Variants in RND1 observed in about 807,000 individuals in gnomAD.
The protein encoded by RND1 is Rho family GTPase 1.
In RND1, 9 loss-of-function variants were observed where a neutral mutation model predicts 27.1. The ratio of observed to expected loss-of-function variants is 0.33; its 90% CI spans 0.20 to 0.58. RND1 has a LOEUF of 0.58. Among genes scored for constraint, RND1 ranks in the 20% least tolerant of loss-of-function variants. The pLI, the probability that RND1 is intolerant of heterozygous loss-of-function variation, is 0.86. For synonymous variants in RND1, 108 were observed against 115.7 expected, an observed-to-expected ratio of 0.93 and a Z score of 0.43; for missense variants, 253 against 292.2, an observed-to-expected ratio of 0.87 and a Z score of 0.98.
At chr12:48,859,513 C>G (rs538911671) in intron 4 of RND1, among the ~76,000 whole-genome samples, 1 of 152,234 alleles carries the variant, frequency 6.6e-6, no homozygotes, top group South Asian at 2.1e-4. Context: ...GCACTCCAGC[C>G]TGGGTGACAA....
At chr12:48,864,383 A>AGG (rs1311110134) in intron 2 of RND1, among the ~76,000 whole-genome samples, 6 of 99,578 alleles carry the variant, frequency 6.0e-5, no homozygotes, top group East Asian at 2.8e-4. Flanking sequence ...GGGAAGTAAA[A>AGG]GGTGTGTGTG....
intron 4 of RND1, 148 bp from the exon 5 acceptor site, chr12:48,858,389 C>CT (rs566310279): frequency 0.071 from 37,999 of 537,582 alleles, 40 homozygotes; most frequent in Middle Eastern, 0.081. Flanking sequence ...ATTATCTTTT[C>CT]TTTTTTTTTT....
At chr12:48,861,214 C>G (rs533667248) in intron 3 of RND1, 83 bp from the exon 4 acceptor site, 1 of 1,410,692 alleles carries the variant, frequency 7.1e-7, no homozygotes, top group Admixed American at 2.0e-5. Context: ...AGAAGCTTGG[C>G]TGGCAACGTC....
intron 2 of RND1, among the ~76,000 whole-genome samples, chr12:48,864,414 TGTGCGCGCGCGCGC>T (rs1160018917): frequency 2.7e-5 from 3 of 109,230 alleles, no homozygotes; most frequent in African/African-American, 6.9e-5. Context: ...TGTGTGTGTG[TGTGCGCGCGCGCGC>T]GTGTGTGTGC....
At position 48,864,844 on chromosome 12, in the gene RND1, A is replaced by G. The variant is rs773495196; in HGVS notation, c.147T>C (p.Asn49=). 1 of 1,613,790 alleles carries G rather than the reference A, an allele frequency of 6.2e-7. No homozygotes were observed. The highest frequency in any genetic ancestry group is 1.7e-5 in the Admixed American group (1 of 59,968). ...PETYVPTVFE[N]YTACLETEEQ... is the part of the protein sequence containing the mutation. The stretch of plus-strand genomic sequence containing the variant: ...CCTCTGTCTCCAAACAGGCTGTGTA[A>G]TTTTCGAACACGGTGGGCACATAGG... The change falls in exon 2 of 5, where the codon AAT becomes AAC. Residue 49 remains asparagine (N), a synonymous_variant. Coordinates refer to ENST00000309739, the MANE Select transcript of RND1 (RefSeq NM_014470.4).
intron 2 of RND1, among the ~76,000 whole-genome samples, chr12:48,862,384 C>T (rs1039220945): frequency 2.0e-5 from 3 of 152,130 alleles, no homozygotes; most frequent in Admixed American, 2.0e-4. Context: ...TCTCCTACAG[C>T]AGGCTTAATT....
At chr12:48,865,094 T>A (rs1457536188) in intron 1 of RND1, among the ~76,000 whole-genome samples, 1 of 148,994 alleles carries the variant, frequency 6.7e-6, no homozygotes, top group Non-Finnish European at 1.5e-5. Context: ...ACACCAGGGG[T>A]AAGCCCCCCA....
rs1938929237 is a variant in RND1, at chr12:48,862,331, A to C, written c.209-213T>G. The C allele has an allele frequency of 6.1e-6, 3 of 487,880 alleles. No homozygotes were observed. In the South Asian group the frequency reaches 8.6e-5, roughly 14 times the overall value. 30.2% of individuals were successfully genotyped at this position (487,880 alleles called of 1,614,324 possible). A position where few individuals can be genotyped will look rare whatever the true frequency, so the allele number is the denominator to read the frequency against. On this transcript the variant is annotated intron_variant, in intron 2 of 4. Coordinates refer to ENST00000309739, the MANE Select transcript of RND1 (RefSeq NM_014470.4). ...CCCTTAGTCCAGAAAAAGGGAAAGAAGACAAAATAAAGTGGGTGGAGTATA... is the reference window on the plus strand; with the variant it reads ...CCCTTAGTCCAGAAAAAGGGAAAGACGACAAAATAAAGTGGGTGGAGTATA...
chr12:48,865,804 A>G lies in RND1; in HGVS notation c.-37T>C. 1 of 1,552,650 alleles carries G rather than the reference A, an allele frequency of 6.4e-7. No individual in the cohort carries two copies. The highest frequency in any genetic ancestry group is 8.7e-7 in the Non-Finnish European group (1 of 1,142,884). On this transcript the variant is annotated 5_prime_UTR_variant, in exon 1 of 5. Transcript: ENST00000309739. Reference sequence around the variant, plus strand: ...CCGCGGGACTTGAACTTCGATTCAGAAGGGAGGGTTGCGCCAGGTGCGTCT... The same window carrying G: ...CCGCGGGACTTGAACTTCGATTCAGGAGGGAGGGTTGCGCCAGGTGCGTCT...
chr12:48,859,155 T>C (rs1049737306), intron 4 of RND1: 2 of 151,314 alleles, frequency 1.3e-5, no homozygotes, highest in Admixed American at 6.6e-5. Context: ...AGATGGTGTT[T>C]CACCATGTTA....
intron 2 of RND1, among the ~76,000 whole-genome samples, chr12:48,863,328 TG>T (rs990083528): frequency 2.2e-4 from 33 of 150,590 alleles, no homozygotes; most frequent in African/African-American, 7.8e-4. Context: ...AAATTGGGGG[TG>T]GGGGTGTGAC....
At chr12:48,860,967 C>T (rs1938911775) in intron 4 of RND1, 30 bp downstream of exon 4, 1 of 1,612,042 alleles carries the variant, frequency 6.2e-7, no homozygotes, top group South Asian at 1.1e-5. Flanking sequence ...CTCACTCCAC[C>T]CCACGACATG....
At chr12:48,863,577 A>G (rs1194140042) in intron 2 of RND1, among the ~76,000 whole-genome samples, 2 of 152,176 alleles carry the variant, frequency 1.3e-5, no homozygotes, top group African/African-American at 4.8e-5. Flanking sequence ...TCTTGCCAGC[A>G]TAGCACAGCC....
chr12:48,859,693 C>T (rs1233192744), intron 4 of RND1, among the ~76,000 whole-genome samples: 1 of 152,116 alleles, frequency 6.6e-6, no homozygotes, highest in African/African-American at 2.4e-5. Flanking sequence ...TCAAGAACAA[C>T]CCCGGAAACA....
In RND1 at chr12:48,861,033, C is replaced by T; in HGVS notation, c.417G>A (p.Leu139=). 1 of 1,613,994 alleles carries T rather than the reference C, an allele frequency of 6.2e-7. No individual in the cohort carries two copies. Among genetic ancestry groups the T allele is most frequent in the South Asian group, 1.1e-5 (1 of 91,074 alleles). ...AGATGGGCGCCTGCTTCTGGTGGGA[C>T]AGCTCCATCAGAGTACTCAGGTCTG... ...LRTDLSTLME[L]SHQKQAPISY... The change falls in exon 4 of 5, where the codon CTG becomes CTA. Residue 139 remains leucine (L), a synonymous_variant. Coordinates refer to ENST00000309739, the MANE Select transcript of RND1 (RefSeq NM_014470.4).
intron 2 of RND1, 75 bp from the exon 3 acceptor site, chr12:48,862,193 T>C (rs1032765862): frequency 9.6e-5 from 79 of 822,890 alleles, no homozygotes; most frequent in Non-Finnish European, 2.2e-5. Context: ...CCTAAAGCCC[T>C]GGGAATACCA....
At chr12:48,858,330 AG>A in intron 4 of RND1, 89 bp from the exon 5 acceptor site, 2 of 1,432,588 alleles carry the variant, frequency 1.4e-6, no homozygotes, top group South Asian at 2.7e-5. Context: ...GCCACTCCAG[AG>A]GGGACCCAGC....
chr12:48,858,349 C>A, intron 4 of RND1, 108 bp from the exon 5 acceptor site: 5 of 1,177,764 alleles, frequency 4.2e-6, no homozygotes, highest in Non-Finnish European at 4.7e-6. Context: ...AGCTGCCAGT[C>A]TCCAAACACC....
In RND1 at chr12:48,864,832, A is replaced by G. The variant is rs748269522; in HGVS notation, c.159T>C (p.Cys53=). 1.2e-6 allele frequency: 2 copies of G among 1,614,052 alleles called. No homozygotes were observed. The highest frequency in any genetic ancestry group is 2.2e-5 in the East Asian group (1 of 44,880). The stretch of plus-strand genomic sequence containing the variant: ...CCACCCTCTGTTCCTCTGTCTCCAA[A>G]CAGGCTGTGTAATTTTCGAACACGG... ...VPTVFENYTA[C]LETEEQRVEL... is the part of the protein sequence containing the mutation. The change falls in exon 2 of 5, where the codon TGT becomes TGC. Residue 53 remains cysteine, a synonymous_variant. Coordinates refer to ENST00000309739, the MANE Select transcript of RND1 (RefSeq NM_014470.4).
Sources: allele counts gnomAD v4.1 joint callset (sites outside exome capture counted in the v4.1 genomes callset), GRCh38; gene constraint gnomAD v4.1.1; transcripts MANE v1.5; gene names NCBI Gene and HGNC (gene_info 2026-07-23, HGNC 2026-07-21).